Variants in DNAH8 observed in about 807,000 individuals in gnomAD.
DNAH8 encodes the protein axonemal beta dynein heavy chain 8.
DNAH8 carries 382 observed loss-of-function variants against 562.1 expected under a neutral mutation model. The ratio of observed to expected loss-of-function variants is 0.68; its 90% confidence interval spans 0.63 to 0.74. The LOEUF is 0.74. Ranked by LOEUF, DNAH8 falls within the 30% of genes least tolerant of loss-of-function variation. The probability of loss-of-function intolerance (pLI) is 0.00; values close to 1 mark genes in which losing one functional copy is unlikely to be tolerated. For synonymous variants in DNAH8, 1,881 were observed against 1,919.4 expected, an observed-to-expected ratio of 0.98 and a Z score of 0.52; for missense variants, 5,203 against 5,620.4, an observed-to-expected ratio of 0.93 and a Z score of 2.37.
chr6:38,906,116 T>G (rs956103068), intron 62 of DNAH8, 138 bp from the exon 63 acceptor site: 1 of 425,636 alleles, frequency 2.3e-6, no homozygotes, highest in African/African-American at 2.0e-5. Context: ...ACCATGTTGG[T>G]CAGGATGGTC....
At chr6:38,888,850 G>A (rs1232124088) in intron 57 of DNAH8, among the ~76,000 whole-genome samples, 6 of 152,240 alleles carry the variant, frequency 3.9e-5, no homozygotes, top group African/African-American at 9.6e-5. Context: ...AAAGTAGGGC[G>A]TGTGCCCATC....
intron 45 of DNAH8, among the ~76,000 whole-genome samples, chr6:38,865,571 C>G (rs1469854135): frequency 6.6e-6 from 1 of 152,136 alleles, no homozygotes; most frequent in Non-Finnish European, 1.5e-5. Context: ...CCTTATGAAC[C>G]AAGATGCTAC....
intron 32 of DNAH8, among the ~76,000 whole-genome samples, chr6:38,835,855 A>G (rs1283683542): frequency 6.6e-6 from 1 of 151,846 alleles, no homozygotes; most frequent in Admixed American, 6.5e-5. Flanking sequence ...ATATGATCAT[A>G]CTTGAATTTT....
intron 60 of DNAH8, 28 bp from the exon 61 acceptor site, chr6:38,898,230 A>G: frequency 6.4e-7 from 1 of 1,559,860 alleles, no homozygotes; most frequent in Non-Finnish European, 8.6e-7. Context: ...CTTAAATATT[A>G]TTTTTTTATC....
chr6:38,729,793 G>T, intron 3 of DNAH8, 109 bp from the exon 4 acceptor site: 2 of 627,924 alleles, frequency 3.2e-6, no homozygotes, highest in East Asian at 2.8e-5. Flanking sequence ...TTCTAATCTT[G>T]CCTTTATGTA....
Position 38,857,582 on chromosome 6 carries a change from A to C in DNAH8, c.5798A>C (p.Lys1933Thr). The C allele has an allele frequency of 2.5e-6, 4 of 1,613,984 alleles. No homozygotes were observed. The highest frequency in any genetic ancestry group is 3.4e-6 in the Non-Finnish European group (4 of 1,179,918). ...HDSEEALRNA[K>T]DDRKIMQVTN... ...TCAGAAGAGGCTTTACGTAATGCAA[A>C]AGATGACAGGAAAATCATGCAAGTG... The change falls in exon 42 of 93, where the codon AAA (lysine) becomes ACA (threonine). Residue 1933 changes from lysine (K) to threonine (T), a missense_variant. Transcript: ENST00000327475.
At chr6:38,838,830 A>C (rs181566282) in intron 33 of DNAH8, among the ~76,000 whole-genome samples, 1 of 152,376 alleles carries the variant, frequency 6.6e-6, no homozygotes, top group Non-Finnish European at 1.5e-5. Flanking sequence ...ATTTCAATCA[A>C]ATTTTAGAAT....
chr6:38,892,716 A>G (rs1779421491), intron 58 of DNAH8, among the ~76,000 whole-genome samples: 1 of 152,192 alleles, frequency 6.6e-6, no homozygotes, highest in African/African-American at 2.4e-5. Flanking sequence ...TTTTTTAAAA[A>G]GTAAAGCAGA....
chr6:38,978,919 A>G (rs1403462997), intron 85 of DNAH8, among the ~76,000 whole-genome samples: 1 of 152,234 alleles, frequency 6.6e-6, no homozygotes, highest in Non-Finnish European at 1.5e-5. Flanking sequence ...TAAAATCATC[A>G]GTCACCATCT....
At position 39,030,209 on chromosome 6, in the gene DNAH8, C is replaced by A. The variant is rs151211156; in HGVS notation, c.13941C>A (p.Pro4647=). Residue 4647 remains proline (P), a synonymous_variant, in exon 93 of 93, where the codon CCC becomes CCA. Transcript: ENST00000327475. Reference sequence around the variant, plus strand: ...CCAAGGTACTCTTCACGCAGTTACCCGTGCTCCACATCTTTGCCATTAACT... The same window carrying A: ...CCAAGGTACTCTTCACGCAGTTACCAGTGCTCCACATCTTTGCCATTAACT... ...STPKVLFTQL[P]VLHIFAINST... 1.7e-4 allele frequency: 271 copies of A among 1,613,994 alleles called. No homozygotes were observed. The highest frequency in any genetic ancestry group is 2.3e-4 in the Non-Finnish European group (268 of 1,179,998).
chr6:38,775,040 T>A (rs1387246560), intron 12 of DNAH8, among the ~76,000 whole-genome samples: 2 of 152,200 alleles, frequency 1.3e-5, no homozygotes, highest in Non-Finnish European at 2.9e-5. Context: ...GTGTGTGGTA[T>A]TTGGAAGATT....
intron 16 of DNAH8, among the ~76,000 whole-genome samples, chr6:38,782,560 G>A (rs1398417550): frequency 6.6e-6 from 1 of 152,206 alleles, no homozygotes; most frequent in East Asian, 1.9e-4. Context: ...GGGATTACAG[G>A]CGTGAGCTAC....
intron 85 of DNAH8, among the ~76,000 whole-genome samples, chr6:38,977,702 T>A (rs1399098766): frequency 6.6e-6 from 1 of 152,172 alleles, no homozygotes; most frequent in African/African-American, 2.4e-5. Flanking sequence ...AACTCAATCA[T>A]TACATTTTTA....
intron 17 of DNAH8, among the ~76,000 whole-genome samples, chr6:38,783,447 G>T (rs949296169): frequency 6.6e-6 from 1 of 152,168 alleles, no homozygotes; most frequent in African/African-American, 2.4e-5. Flanking sequence ...ATATTCAGTT[G>T]TATCATGATA....
chr6:38,820,951 A>G (rs550468514), intron 26 of DNAH8, among the ~76,000 whole-genome samples: 1 of 152,336 alleles, frequency 6.6e-6, no homozygotes, highest in East Asian at 1.9e-4. Context: ...AGCTCTTACC[A>G]CATCTACTCG....
intron 9 of DNAH8, among the ~76,000 whole-genome samples, chr6:38,755,418 T>G (rs1039147558): frequency 6.6e-6 from 1 of 152,202 alleles, no homozygotes; most frequent in African/African-American, 2.4e-5. Flanking sequence ...TGTTTATCTC[T>G]TCTGCTCTGT....
At chr6:38,972,423 C>T (rs1763409420) in intron 83 of DNAH8, among the ~76,000 whole-genome samples, 1 of 152,102 alleles carries the variant, frequency 6.6e-6, no homozygotes, top group Non-Finnish European at 1.5e-5. Flanking sequence ...CCCTAAGCCT[C>T]AATCTTTATC....
At chr6:38,724,170 A>G (rs576058151) in intron 3 of DNAH8, among the ~76,000 whole-genome samples, 4 of 151,736 alleles carry the variant, frequency 2.6e-5, no homozygotes, top group Non-Finnish European at 5.9e-5. Context: ...TTTAGTAGAG[A>G]TGGGGTTTCA....
intron 23 of DNAH8, among the ~76,000 whole-genome samples, chr6:38,806,794 T>A (rs977465293): frequency 1.2e-4 from 18 of 150,200 alleles, no homozygotes; most frequent in African/African-American, 4.5e-4. Flanking sequence ...AAAAAAATAA[T>A]AATAATAATA....
Sources: allele counts gnomAD v4.1 joint callset (sites outside exome capture counted in the v4.1 genomes callset), GRCh38; gene constraint gnomAD v4.1.1; transcripts MANE v1.5; gene names NCBI Gene and HGNC (gene_info 2026-07-23, HGNC 2026-07-21).